Variants in CHRM3 observed in about 807,000 individuals in gnomAD.
CHRM3 encodes the protein muscarinic acetylcholine receptor M3.
Under a neutral mutation model 41.8 loss-of-function variants are expected in CHRM3, and 11 were observed. That is an observed-to-expected ratio of 0.26 (90% CI 0.17 to 0.44). CHRM3 has a LOEUF of 0.44. CHRM3 is among the 20% of genes least tolerant of loss of function. The pLI is 1.00. For missense variants in CHRM3, 571 were observed against 745.4 expected (o/e 0.77, Z 2.72); for synonymous variants, 297 against 301.4 (o/e 0.99, Z 0.15).
At chr1:239,391,244 C>T (rs1659010997) in intron 1 of CHRM3, among the ~76,000 whole-genome samples, 1 of 152,118 alleles carries the variant, frequency 6.6e-6, no homozygotes, top group Non-Finnish European at 1.5e-5. Context: ...CATTTCATTC[C>T]CCACTGTACA....
At chr1:239,480,543 A>ATTTTTTTT (rs745979239) in intron 1 of CHRM3, among the ~76,000 whole-genome samples, 20 of 110,702 alleles carry the variant, frequency 1.8e-4, no homozygotes, top group Middle Eastern at 5.8e-3. Flanking sequence ...CGATAGCCCA[A>ATTTTTTTT]TTTTTTTTTT....
rs994744161 is a variant in CHRM3 at position 239,910,812 on chromosome 1, A to G, written c.*1588A>G. ...TACAGGGCATTCGTGTTGTGAACCC[A>G]GAGCTGGGTAGAAGCTGCTTTTGTA... On this transcript the variant is annotated 3_prime_UTR_variant, in exon 7 of 7. Coordinates refer to ENST00000676153, the MANE Select transcript of CHRM3 (RefSeq NM_001375978.1). 2 of 166,986 alleles carry G rather than the reference A, an allele frequency of 1.2e-5. No individual in the cohort carries two copies. The highest frequency in any genetic ancestry group is 2.9e-5 in the Non-Finnish European group (2 of 68,144). The allele number at this position is 166,986 out of a possible 1,614,324, so 10.3% of individuals were successfully genotyped here. A position where few individuals can be genotyped will look rare whatever the true frequency, so the allele number is the denominator to read the frequency against.
chr1:239,386,586 CG>C lies in CHRM3; in HGVS notation c.-1158del. On this transcript the variant is annotated 5_prime_UTR_variant, in exon 1 of 7. Coordinates refer to ENST00000676153, the MANE Select transcript of CHRM3 (RefSeq NM_001375978.1). ...GTGCATTACACCAGCTCTCTCAGTC[CG>C]GGGAGGAGGAGGAGCAGGAGGAACG... The C allele has an allele frequency of 6.5e-6, 1 of 153,388 alleles. No homozygotes were observed. Among genetic ancestry groups the C allele is most frequent in the East Asian group, 1.9e-4 (1 of 5,170 alleles). The allele number at this position is 153,388 out of a possible 1,614,324, so 9.5% of individuals were successfully genotyped here.
At chr1:239,541,921 C>A (rs1658818909) in intron 2 of CHRM3, among the ~76,000 whole-genome samples, 3 of 152,168 alleles carry the variant, frequency 2.0e-5, no homozygotes, top group Admixed American at 1.3e-4. Context: ...TGCTGCACAC[C>A]TAGCTGTCTG....
At chr1:239,859,819 TTATATATATATATATATATA>T (rs55700294) in intron 6 of CHRM3, among the ~76,000 whole-genome samples, 11 of 131,422 alleles carry the variant, frequency 8.4e-5, no homozygotes, top group Admixed American at 4.8e-4. Context: ...TCTAAGTGTT[TTATATATATATATATATATA>T]TATATATATA....
intron 6 of CHRM3, chr1:239,899,949 G>A (rs890826407): frequency 6.6e-6 from 1 of 152,210 alleles, no homozygotes; most frequent in African/African-American, 2.4e-5. Context: ...CCTCATGCAG[G>A]CTGCATTCCT....
chr1:239,875,501 G>A (rs865837257), intron 6 of CHRM3, among the ~76,000 whole-genome samples: 3 of 152,132 alleles, frequency 2.0e-5, no homozygotes, highest in Non-Finnish European at 2.9e-5. Context: ...ATTCTCAATC[G>A]TCTTTATATT....
chr1:239,533,757 A>C (rs1412597529), intron 2 of CHRM3, among the ~76,000 whole-genome samples: 3 of 149,030 alleles, frequency 2.0e-5, no homozygotes, highest in Non-Finnish European at 4.5e-5. Flanking sequence ...AAAACAAAAA[A>C]ACCCTTAAAA....
intron 1 of CHRM3, among the ~76,000 whole-genome samples, chr1:239,440,187 G>A (rs184768958): frequency 7.2e-6 from 1 of 138,578 alleles, no homozygotes; most frequent in African/African-American, 2.7e-5. Context: ...GACAGAGTGA[G>A]ACTCTGTCTC....
At chr1:239,684,738 GAGAAAGAAAGAGAAAGAA>G (rs1431387363) in intron 5 of CHRM3, among the ~76,000 whole-genome samples, 1 of 62,352 alleles carries the variant, frequency 1.6e-5, no homozygotes, top group Admixed American at 1.9e-4. Flanking sequence ...AAAGGAAAGA[GAGAAAGAAAGAGAAAGAA>G]AGAAAGAAAG....
intron 5 of CHRM3, among the ~76,000 whole-genome samples, chr1:239,809,022 T>TTTTG (rs1670894107): frequency 7.1e-6 from 1 of 140,306 alleles, no homozygotes; most frequent in Non-Finnish European, 1.5e-5. Context: ...GAAGTCCATT[T>TTTTG]TTTTTTTTTT....
intron 4 of CHRM3, among the ~76,000 whole-genome samples, chr1:239,675,256 C>T (rs1261134146): frequency 1.3e-5 from 2 of 152,184 alleles, no homozygotes; most frequent in African/African-American, 4.8e-5. Flanking sequence ...TTGAATGCTT[C>T]GTACAGTCCA....
chr1:239,636,556 T>C (rs1670488427), intron 4 of CHRM3, among the ~76,000 whole-genome samples: 1 of 152,230 alleles, frequency 6.6e-6, no homozygotes, highest in South Asian at 2.1e-4. Context: ...GGCTTTATCT[T>C]TGCTGCCGAT....
chr1:239,749,939 T>C (rs1170033284), intron 5 of CHRM3, among the ~76,000 whole-genome samples: 1 of 152,246 alleles, frequency 6.6e-6, no homozygotes, highest in Non-Finnish European at 1.5e-5. Flanking sequence ...ACAATAATAA[T>C]ACCACGGCTT....
intron 3 of CHRM3, among the ~76,000 whole-genome samples, chr1:239,577,376 G>GA (rs1285987188): frequency 6.6e-6 from 1 of 151,946 alleles, no homozygotes; most frequent in African/African-American, 2.4e-5. Context: ...AACAATAAGG[G>GA]AAAATAAGAT....
intron 5 of CHRM3, among the ~76,000 whole-genome samples, chr1:239,769,944 T>C (rs928728190): frequency 6.6e-6 from 1 of 152,110 alleles, no homozygotes; most frequent in Non-Finnish European, 1.5e-5. Context: ...CATCACATTC[T>C]TTTTAGCTAA....
At chr1:239,745,724 A>C (rs537367040) in intron 5 of CHRM3, among the ~76,000 whole-genome samples, 1 of 152,272 alleles carries the variant, frequency 6.6e-6, no homozygotes, top group East Asian at 1.9e-4. Context: ...CAAGGCAAAG[A>C]TGTTAGCCAT....
chr1:239,600,199 C>A (rs942479639), intron 3 of CHRM3, among the ~76,000 whole-genome samples: 23 of 152,246 alleles, frequency 1.5e-4, no homozygotes, highest in African/African-American at 5.5e-4. Context: ...CTCATCTCCA[C>A]TCCCTTTGTT....
Position 239,634,996 on chromosome 1 carries a change from G to A in CHRM3, c.-250+2710G>A, listed in dbSNP as rs572498626. ...CTTGGGTCTCCATTGCTAATGCAGGGAAATACTCTGATATCTATTCAAAGC... is the reference window on the plus strand; with the variant it reads ...CTTGGGTCTCCATTGCTAATGCAGGAAAATACTCTGATATCTATTCAAAGC... On this transcript the variant is annotated intron_variant, in intron 4 of 6. Coordinates refer to ENST00000676153, the MANE Select transcript of CHRM3 (RefSeq NM_001375978.1). Among the ~76,000 whole-genome samples, 16 of 152,288 alleles carry A rather than the reference G, an allele frequency of 1.1e-4. No homozygotes were observed. In the South Asian group the frequency reaches 3.1e-3, roughly 30 times the overall value.
Sources: gnomAD v4.1 joint callset for allele counts (sites outside exome capture counted in the v4.1 genomes callset) on GRCh38, gnomAD v4.1.1 for gene constraint, MANE v1.5 for transcripts, NCBI Gene and HGNC (gene_info 2026-07-23, HGNC 2026-07-21) for gene names.